TLN2: variants seen among roughly 807,000 people sequenced by gnomAD.
TLN2 encodes the protein talin 2.
In TLN2, 118 loss-of-function variants were observed where a neutral mutation model predicts 294.7. The observed-to-expected ratio is 0.40, with a 90% CI of 0.34 to 0.47. TLN2 has a LOEUF of 0.47. Among genes scored for constraint, TLN2 ranks in the 20% least tolerant of loss-of-function variants. The pLI is 0.84. For missense variants in TLN2, 3,083 were observed against 3,282.2 expected, an observed-to-expected ratio of 0.94 and a Z score of 1.48; for synonymous variants, 1,431 against 1,304.5, an observed-to-expected ratio of 1.10 and a Z score of -2.09.
intron 1 of TLN2, among the ~76,000 whole-genome samples, chr15:62,467,022 G>C (rs1443653645): frequency 1.3e-5 from 2 of 152,226 alleles, no homozygotes; most frequent in South Asian, 4.1e-4. Context: ...TCAAGCTTGG[G>C]GGAGGACACT....
chr15:62,700,266 A>G (rs1447888166), intron 16 of TLN2, among the ~76,000 whole-genome samples: 1 of 152,226 alleles, frequency 6.6e-6, no homozygotes, highest in Non-Finnish European at 1.5e-5. Context: ...AGTGCTAGTC[A>G]CATCCTGAAC....
intron 2 of TLN2, among the ~76,000 whole-genome samples, chr15:62,604,431 C>G (rs1321050471): frequency 2.7e-5 from 4 of 150,752 alleles, no homozygotes; most frequent in Non-Finnish European, 4.4e-5. Context: ...CCGTCCCAGC[C>G]ACTTGGGAGA....
chr15:62,762,228 A>G (rs1275108545), intron 38 of TLN2, 44 bp from the exon 39 acceptor site: 6 of 1,609,254 alleles, frequency 3.7e-6, no homozygotes, highest in East Asian at 2.2e-5. Context: ...TCATTCACTC[A>G]TGTCTTCGAC....
intron 1 of TLN2, among the ~76,000 whole-genome samples, chr15:62,510,090 G>T (rs558226379): frequency 3.9e-5 from 6 of 152,308 alleles, no homozygotes; most frequent in South Asian, 2.1e-4. Flanking sequence ...TCTTTGTGGG[G>T]TTTGTTACTG....
intron 32 of TLN2, among the ~76,000 whole-genome samples, chr15:62,744,381 A>C (rs913299126): frequency 6.6e-6 from 1 of 150,868 alleles, no homozygotes; most frequent in Non-Finnish European, 1.5e-5. Flanking sequence ...GAGAGCCATA[A>C]AAGATTATTT....
Position 62,596,775 on chromosome 15 carries a change from T to G in TLN2, c.-162+7013T>G, listed in dbSNP as rs540073087. On this transcript the variant is annotated intron_variant, in intron 2 of 58. Coordinates refer to ENST00000636159, the MANE Select transcript of TLN2 (RefSeq NM_015059.3). ...AAAAAATAATAATAACTATGAATTTTAAGTCAAAGTATTGCATGCAAATGG... is the reference window on the plus strand; with the variant it reads ...AAAAAATAATAATAACTATGAATTTGAAGTCAAAGTATTGCATGCAAATGG... Among the ~76,000 whole-genome samples the G allele has an allele frequency of 1.4e-4, 21 of 152,230 alleles. 1 individual carries two copies. The highest frequency in any genetic ancestry group is 1.4e-3 in the Admixed American group (21 of 15,268).
chr15:62,746,564 A>C (rs1463583939), intron 32 of TLN2, among the ~76,000 whole-genome samples: 1 of 152,220 alleles, frequency 6.6e-6, no homozygotes, highest in Admixed American at 6.5e-5. Flanking sequence ...TCCTCATCAA[A>C]TAATTAAGCC....
chr15:62,446,671 A>T (rs145741070), intron 1 of TLN2, among the ~76,000 whole-genome samples: 1 of 151,918 alleles, frequency 6.6e-6, no homozygotes, highest in South Asian at 2.1e-4. Context: ...GATTTTAAAC[A>T]TTTTTTTGTA....
chr15:62,486,171 A>G (rs941696494), intron 1 of TLN2, among the ~76,000 whole-genome samples: 1 of 152,232 alleles, frequency 6.6e-6, no homozygotes, highest in Admixed American at 6.5e-5. Context: ...TACTTTAGAA[A>G]GTCTTTCCTA....
At chr15:62,605,083 A>G (rs1406434676) in intron 2 of TLN2, among the ~76,000 whole-genome samples, 1 of 152,202 alleles carries the variant, frequency 6.6e-6, no homozygotes, top group African/African-American at 2.4e-5. Context: ...GCATTTTCAT[A>G]TAATGGAAAT....
At chr15:62,719,024 G>T (rs1455869216) in intron 24 of TLN2, among the ~76,000 whole-genome samples, 1 of 152,246 alleles carries the variant, frequency 6.6e-6, no homozygotes, top group African/African-American at 2.4e-5. Context: ...CATCAGGCCA[G>T]TATGCACTGG....
At chr15:62,489,663 G>A (rs1244589626) in intron 1 of TLN2, among the ~76,000 whole-genome samples, 1 of 152,174 alleles carries the variant, frequency 6.6e-6, no homozygotes, top group Non-Finnish European at 1.5e-5. Context: ...GGACTTAGAA[G>A]TGAATCACAG....
chr15:62,465,526 G>A (rs1229538523), intron 1 of TLN2, among the ~76,000 whole-genome samples: 3 of 152,092 alleles, frequency 2.0e-5, no homozygotes, highest in South Asian at 2.1e-4. Flanking sequence ...CGAAACTATC[G>A]GGTTATGTGT....
chr15:62,556,546 G>T (rs1321297149), intron 1 of TLN2, among the ~76,000 whole-genome samples: 1 of 151,884 alleles, frequency 6.6e-6, no homozygotes, highest in Admixed American at 6.6e-5. Context: ...AGATCCTCCT[G>T]CCGCAGCCTC....
chr15:62,534,853 T>C (rs1327030431), intron 1 of TLN2, among the ~76,000 whole-genome samples: 5 of 152,088 alleles, frequency 3.3e-5, no homozygotes, highest in African/African-American at 4.8e-5. Context: ...AGACCAAATA[T>C]ATATTTCACA....
intron 1 of TLN2, among the ~76,000 whole-genome samples, chr15:62,561,139 T>G (rs1168594210): frequency 1.3e-5 from 2 of 152,144 alleles, no homozygotes; most frequent in African/African-American, 4.8e-5. Context: ...ATTAGACCCA[T>G]GTGTTATTTT....
intron 28 of TLN2, among the ~76,000 whole-genome samples, chr15:62,733,544 C>A (rs1446575668): frequency 6.6e-6 from 1 of 152,204 alleles, no homozygotes; most frequent in South Asian, 2.1e-4. Flanking sequence ...ACACATAACC[C>A]TTTGTAAATA....
intron 1 of TLN2, among the ~76,000 whole-genome samples, chr15:62,579,376 C>T (rs1279335645): frequency 1.3e-5 from 2 of 152,146 alleles, no homozygotes; most frequent in Non-Finnish European, 2.9e-5. Flanking sequence ...CAAGTGGTGA[C>T]AGGTTCTTAT....
chr15:62,400,189 C>G (rs565317604), intron 1 of TLN2, among the ~76,000 whole-genome samples: 2 of 152,196 alleles, frequency 1.3e-5, no homozygotes, highest in African/African-American at 2.4e-5. Context: ...TGAAGAAGGA[C>G]ATGTTTGCTT....
Sources: gnomAD v4.1 joint callset for allele counts (sites outside exome capture counted in the v4.1 genomes callset) on GRCh38, gnomAD v4.1.1 for gene constraint, MANE v1.5 for transcripts, NCBI Gene and HGNC (gene_info 2026-07-23, HGNC 2026-07-21) for gene names.